AUTS2: variants seen among roughly 807,000 people sequenced by gnomAD.
AUTS2 encodes autism susceptibility gene 2 protein.
In AUTS2, 17 loss-of-function variants were observed where a neutral mutation model predicts 112.4. The observed-to-expected ratio is 0.15, with a 90% CI of 0.10 to 0.23. The LOEUF (loss-of-function observed/expected upper bound fraction) is 0.23, where lower values mean the gene tolerates loss of function less well. AUTS2 is among the 10% of genes least tolerant of loss of function. The probability of loss-of-function intolerance (pLI) is 1.00; values close to 1 mark genes in which losing one functional copy is unlikely to be tolerated. For synonymous variants in AUTS2, 751 were observed against 702.7 expected (o/e 1.07, Z -1.09); for missense variants, 1,510 against 1,701.6 (o/e 0.89, Z 1.98).
intron 4 of AUTS2, among the ~76,000 whole-genome samples, chr7:70,266,568 C>A (rs1029520287): frequency 6.6e-6 from 1 of 152,040 alleles, no homozygotes; most frequent in African/African-American, 2.4e-5. Context: ...GGTCTGATGG[C>A]AAATTGACAT....
chr7:70,596,989 C>T lies in AUTS2; in HGVS notation c.691-101580C>T, dbSNP rs546258016. ...GAATTACTGACTGGTAATGGCAACACTGAATTCTTCAGTTTAATTAAGAGT... is the reference window on the plus strand; with the variant it reads ...GAATTACTGACTGGTAATGGCAACATTGAATTCTTCAGTTTAATTAAGAGT... On this transcript the variant is annotated intron_variant, in intron 5 of 18. Transcript: ENST00000342771. Among the ~76,000 whole-genome samples the T allele has an allele frequency of 1.7e-4, 26 of 152,182 alleles. No individual in the cohort carries two copies. The South Asian group carries it at 4.4e-3, about 26-fold the overall frequency.
Position 70,261,167 on chromosome 7 carries a change from T to A in AUTS2, c.660+126596T>A, listed in dbSNP as rs193242613. The stretch of plus-strand genomic sequence containing the variant: ...AGCACAAAAAAGAATCAAACTGATA[T>A]TCCTAACAACATGGATGAATTTCAG... On this transcript the variant is annotated intron_variant, in intron 4 of 18. Coordinates refer to ENST00000342771, the MANE Select transcript of AUTS2 (RefSeq NM_015570.4). 4.0e-4 allele frequency among the ~76,000 whole-genome samples: 61 copies of A among 152,318 alleles called. No individual in the cohort carries two copies. The East Asian group carries it at 0.011, about 28-fold the overall frequency.
chr7:70,095,996 A>T (rs965028074), intron 2 of AUTS2, among the ~76,000 whole-genome samples: 3 of 152,160 alleles, frequency 2.0e-5, no homozygotes, highest in Non-Finnish European at 2.9e-5. Flanking sequence ...TCTACTAAGG[A>T]TATTGTTATA....
At chr7:70,457,927 C>T (rs985978474) in intron 5 of AUTS2, among the ~76,000 whole-genome samples, 2 of 152,168 alleles carry the variant, frequency 1.3e-5, no homozygotes, top group Non-Finnish European at 2.9e-5. Context: ...CTGGAACACC[C>T]ACTGGACTTG....
chr7:70,004,942 A>G (rs886964701), intron 2 of AUTS2, among the ~76,000 whole-genome samples: 1 of 151,876 alleles, frequency 6.6e-6, no homozygotes, highest in Non-Finnish European at 1.5e-5. Context: ...CTCCTGCCTC[A>G]GCCTCCCAAG....
At chr7:70,425,601 G>C (rs1027410117) in intron 4 of AUTS2, among the ~76,000 whole-genome samples, 1 of 152,228 alleles carries the variant, frequency 6.6e-6, no homozygotes, top group Admixed American at 6.5e-5. Context: ...GCATCTTTGA[G>C]GGTCCTCAAG....
At chr7:69,882,362 A>G (rs2129537991) in intron 1 of AUTS2, among the ~76,000 whole-genome samples, 1 of 152,204 alleles carries the variant, frequency 6.6e-6, no homozygotes, top group South Asian at 2.1e-4. Context: ...AAAATAGGCC[A>G]AGTAATACAG....
Position 70,607,632 on chromosome 7 carries a change from G to A in AUTS2, c.691-90937G>A, listed in dbSNP as rs1181481751. ...GCCCATGCCATTTCCTTCAGGCGAC[G>A]CTGCAGTTCAGCGTGCAAGATACTG... On this transcript the variant is annotated intron_variant, in intron 5 of 18. Coordinates refer to ENST00000342771, the MANE Select transcript of AUTS2 (RefSeq NM_015570.4). Among the ~76,000 whole-genome samples, 9 of 152,180 alleles carry A rather than the reference G, an allele frequency of 5.9e-5. No individual in the cohort carries two copies. In the East Asian group the frequency reaches 1.2e-3, roughly 19 times the overall value.
chr7:70,700,625 TC>T (rs1809399423), intron 6 of AUTS2, among the ~76,000 whole-genome samples: 1 of 152,242 alleles, frequency 6.6e-6, no homozygotes, highest in Admixed American at 6.5e-5. Context: ...GGGGAAAGCA[TC>T]GGGGACAGTT....
intron 4 of AUTS2, among the ~76,000 whole-genome samples, chr7:70,285,987 A>T (rs1272918965): frequency 6.6e-6 from 1 of 152,250 alleles, no homozygotes; most frequent in African/African-American, 2.4e-5. Context: ...TAGCTTGTAC[A>T]TGACATTTGA....
At chr7:69,867,208 C>T (rs1793275725) in intron 1 of AUTS2, among the ~76,000 whole-genome samples, 1 of 152,098 alleles carries the variant, frequency 6.6e-6, no homozygotes, top group South Asian at 2.1e-4. Flanking sequence ...AATTCTGACT[C>T]CTTGAGTTGA....
chr7:70,609,695 G>A (rs1803977579), intron 5 of AUTS2, among the ~76,000 whole-genome samples: 1 of 151,764 alleles, frequency 6.6e-6, no homozygotes, highest in African/African-American at 2.4e-5. Flanking sequence ...CCAAAGTGCT[G>A]GGATTACAGG....
intron 6 of AUTS2, among the ~76,000 whole-genome samples, chr7:70,711,300 G>A (rs1485269845): frequency 6.6e-6 from 1 of 152,180 alleles, no homozygotes; most frequent in Non-Finnish European, 1.5e-5. Context: ...TAAAAGTTAA[G>A]TCTGACTTTC....
At chr7:69,895,877 A>G (rs1794723100) in intron 1 of AUTS2, among the ~76,000 whole-genome samples, 1 of 152,268 alleles carries the variant, frequency 6.6e-6, no homozygotes, top group South Asian at 2.1e-4. Flanking sequence ...CACAGTGGAT[A>G]CATTATTAAG....
At chr7:70,128,326 A>C (rs1466430013) in intron 3 of AUTS2, among the ~76,000 whole-genome samples, 4 of 152,224 alleles carry the variant, frequency 2.6e-5, no homozygotes, top group African/African-American at 7.2e-5. Flanking sequence ...CTCTGCCCTC[A>C]TGAAGTTTCC....
At chr7:70,350,562 C>T (rs1050037124) in intron 4 of AUTS2, among the ~76,000 whole-genome samples, 7 of 152,064 alleles carry the variant, frequency 4.6e-5, no homozygotes, top group South Asian at 2.1e-4. Context: ...TTCACTATCA[C>T]GAGAGCAGCA....
intron 1 of AUTS2, among the ~76,000 whole-genome samples, chr7:69,833,136 G>A (rs1470893755): frequency 1.3e-5 from 2 of 152,088 alleles, no homozygotes; most frequent in South Asian, 2.1e-4. Context: ...CTCCACTCCT[G>A]GTGGTATGGT....
intron 5 of AUTS2, among the ~76,000 whole-genome samples, chr7:70,464,807 T>G (rs1172038541): frequency 6.6e-6 from 1 of 152,220 alleles, no homozygotes; most frequent in African/African-American, 2.4e-5. Flanking sequence ...TTTCAGGGTC[T>G]TGGATACCAG....
rs1791438727 is a variant in AUTS2, at chr7:70,785,965, T to C, written c.2235T>C (p.Asn745=). The stretch of plus-strand genomic sequence containing the variant: ...CCATCTTGTTTGCAGAGCCTTTTAA[T>C]CGGCCGTCTACATTCACAGGCCTAG... The part of the protein sequence containing the change: ...LNPAAHLEPF[N]RPSTFTGLAA... The change falls in exon 17 of 19, where the codon AAT becomes AAC. Residue 745 remains asparagine, a synonymous_variant. Transcript: ENST00000342771. 1 of 1,613,964 alleles carries C rather than the reference T, an allele frequency of 6.2e-7. No individual in the cohort carries two copies. Among genetic ancestry groups the C allele is most frequent in the Non-Finnish European group, 8.5e-7 (1 of 1,179,970 alleles).
Sources: allele counts gnomAD v4.1 joint callset (sites outside exome capture counted in the v4.1 genomes callset), GRCh38; gene constraint gnomAD v4.1.1; transcripts MANE v1.5; gene names NCBI Gene and HGNC (gene_info 2026-07-23, HGNC 2026-07-21).